SOX5: variants seen among roughly 807,000 people sequenced by gnomAD.
SOX5 encodes transcription factor SOX-5.
Under a neutral mutation model 92.0 loss-of-function variants are expected in SOX5, and 9 were observed. That is an observed-to-expected ratio of 0.10 (90% CI 0.06 to 0.17). The LOEUF is 0.17. Among genes scored for constraint, SOX5 ranks in the 10% least tolerant of loss-of-function variants. The pLI is 1.00. For synonymous variants in SOX5, 344 were observed against 336.3 expected (o/e 1.02, Z -0.25); for missense variants, 642 against 944.5 (o/e 0.68, Z 4.20).
chr12:24,288,248 C>T lies in SOX5; in HGVS notation c.-173-10936G>A, dbSNP rs565724808. Among the ~76,000 whole-genome samples the T allele has an allele frequency of 3.3e-5, 5 of 152,270 alleles. No homozygotes were observed. The South Asian group carries it at 1.0e-3, about 32-fold the overall frequency. On this transcript the variant is annotated intron_variant, in intron 2 of 4. Transcript: ENST00000446891. ...TCTAAACATCCTACAGTGCCCAGGA[C>T]AGCTCCCACAACAAAGAATTATCTG...
At chr12:24,010,008 A>G (rs1592297215) in intron 4 of SOX5, among the ~76,000 whole-genome samples, 1 of 152,176 alleles carries the variant, frequency 6.6e-6, no homozygotes, top group South Asian at 2.1e-4. Flanking sequence ...ATTAGCTGGT[A>G]TTTTCTTATC....
At chr12:23,837,987 A>T (rs1322099243) in intron 3 of SOX5, among the ~76,000 whole-genome samples, 1 of 125,486 alleles carries the variant, frequency 8.0e-6, no homozygotes, top group African/African-American at 3.1e-5. Context: ...ATATATTTAT[A>T]TTTATATAAT....
chr12:23,946,480 TATC>T (rs1944609646), intron 1 of SOX5, among the ~76,000 whole-genome samples: 1 of 152,028 alleles, frequency 6.6e-6, no homozygotes, highest in Non-Finnish European at 1.5e-5. Flanking sequence ...CATTTTTACT[TATC>T]ATGAACAAAC....
intron 3 of SOX5, among the ~76,000 whole-genome samples, chr12:24,274,310 G>A (rs751443257): frequency 6.6e-6 from 1 of 152,086 alleles, no homozygotes; most frequent in Non-Finnish European, 1.5e-5. Context: ...GGGGCATTGA[G>A]ATTTAAAATT....
At chr12:24,155,196 A>G (rs1378186752) in intron 4 of SOX5, among the ~76,000 whole-genome samples, 1 of 152,174 alleles carries the variant, frequency 6.6e-6, no homozygotes, top group Non-Finnish European at 1.5e-5. Context: ...CAGGGGTTTC[A>G]TGCAAACAAA....
rs373439481 is a variant in SOX5, at chr12:23,841,938, A to G, written c.481+4045T>C. 3.4e-5 allele frequency among the ~76,000 whole-genome samples: 5 copies of G among 148,966 alleles called. No individual in the cohort carries two copies. The East Asian group carries it at 1.0e-3, about 30-fold the overall frequency. On this transcript the variant is annotated intron_variant, in intron 3 of 14. Transcript: ENST00000451604. ...TCTATGCATTTGCACATATAAATGT[A>G]TAATACAACATAATAAGTGAGCCTT...
intron 1 of SOX5, among the ~76,000 whole-genome samples, chr12:24,431,584 C>G (rs1731575003): frequency 6.6e-6 from 1 of 152,160 alleles, no homozygotes; most frequent in Non-Finnish European, 1.5e-5. Context: ...GAGATCTACC[C>G]TCTTAACACA....
chr12:24,406,677 A>T (rs1963024314), intron 1 of SOX5, among the ~76,000 whole-genome samples: 1 of 152,236 alleles, frequency 6.6e-6, no homozygotes, highest in African/African-American at 2.4e-5. Context: ...GATATTGGAC[A>T]TAAACATTTC....
At chr12:23,778,732 C>T (rs1373552885) in intron 3 of SOX5, among the ~76,000 whole-genome samples, 2 of 152,110 alleles carry the variant, frequency 1.3e-5, no homozygotes, top group Admixed American at 6.6e-5. Context: ...GTTGCAGGCC[C>T]TTTTACCTAG....
At chr12:23,971,390 G>C (rs1037610932) in intron 4 of SOX5, among the ~76,000 whole-genome samples, 2 of 151,536 alleles carry the variant, frequency 1.3e-5, no homozygotes, top group Non-Finnish European at 2.9e-5. Context: ...CCAAAGTGCT[G>C]GGATTACAAG....
intron 2 of SOX5, among the ~76,000 whole-genome samples, chr12:24,299,271 T>C (rs1947680510): frequency 6.6e-6 from 1 of 152,168 alleles, no homozygotes; most frequent in African/African-American, 2.4e-5. Context: ...TCCCCTAAAA[T>C]GTGAGAGACT....
At position 24,342,077 on chromosome 12, in the gene SOX5, T is replaced by C. The variant is rs529689393; in HGVS notation, c.-174+26486A>G. ...ATTAGCTTAAAATCAGGTGCCAATT[T>C]ACTGCCACATATGGTTCTCAGGTTT... On this transcript the variant is annotated intron_variant, in intron 2 of 4. Transcript: ENST00000446891. Among the ~76,000 whole-genome samples the C allele has an allele frequency of 6.1e-4, 93 of 152,380 alleles. 1 individual carries two copies. Among genetic ancestry groups the C allele is most frequent in the African/African-American group, 2.1e-3 (89 of 41,608 alleles).
rs188746509 is a variant in SOX5, at chr12:24,146,658, A to G, written c.-2+66685T>C. Among the ~76,000 whole-genome samples the G allele has an allele frequency of 3.6e-4, 54 of 152,026 alleles. No homozygotes were observed. The East Asian group carries it at 7.9e-3, about 22-fold the overall frequency. On this transcript the variant is annotated intron_variant, in intron 4 of 4. Transcript: ENST00000446891. ...AAACAAAAAATTAAAAAATCAATAG[A>G]GAAAATTAATTAAACTAAGATCTGA...
At chr12:23,935,678 ATGAGT>A (rs1942387923) in intron 1 of SOX5, among the ~76,000 whole-genome samples, 1 of 151,122 alleles carries the variant, frequency 6.6e-6, no homozygotes, top group Admixed American at 6.6e-5. Flanking sequence ...TGTGCAATGA[ATGAGT>A]TAATTCATTC....
chr12:23,698,032 T>C (rs1252495915), intron 6 of SOX5, among the ~76,000 whole-genome samples: 7 of 152,228 alleles, frequency 4.6e-5, no homozygotes, highest in Non-Finnish European at 8.8e-5. Flanking sequence ...TTTATTTTTG[T>C]TTTATTTTAT....
At chr12:23,730,937 G>A (rs1251048078) in intron 6 of SOX5, among the ~76,000 whole-genome samples, 1 of 152,218 alleles carries the variant, frequency 6.6e-6, no homozygotes, top group Non-Finnish European at 1.5e-5. Context: ...GTGTTGTGAG[G>A]TTGCTTTCTG....
chr12:24,489,404 C>T (rs1946828717), intron 1 of SOX5, among the ~76,000 whole-genome samples: 1 of 152,118 alleles, frequency 6.6e-6, no homozygotes, highest in Admixed American at 6.5e-5. Flanking sequence ...TGGGAGCTTG[C>T]TTCCTTTCCC....
intron 1 of SOX5, among the ~76,000 whole-genome samples, chr12:23,896,311 C>T (rs983672882): frequency 6.6e-6 from 1 of 152,124 alleles, no homozygotes; most frequent in African/African-American, 2.4e-5. Context: ...TAATGAAAGA[C>T]CATTCCATTT....
chr12:23,784,894 T>C (rs1182584464), intron 3 of SOX5, among the ~76,000 whole-genome samples: 1 of 152,014 alleles, frequency 6.6e-6, no homozygotes, highest in Non-Finnish European at 1.5e-5. Context: ...CTGGGCAACA[T>C]AGCAAGATCT....
Sources: allele counts gnomAD v4.1 joint callset (sites outside exome capture counted in the v4.1 genomes callset), GRCh38; gene constraint gnomAD v4.1.1; transcripts MANE v1.5; gene names NCBI Gene and HGNC (gene_info 2026-07-23, HGNC 2026-07-21).